VAV3: variants seen among roughly 807,000 people sequenced by gnomAD.
VAV3 encodes the protein vav guanine nucleotide exchange factor 3, also known as guanine nucleotide exchange factor VAV3.
In VAV3, 94 loss-of-function variants were observed where a neutral mutation model predicts 131.2. The ratio of observed to expected loss-of-function variants is 0.72; its 90% confidence interval spans 0.61 to 0.85. VAV3 has a LOEUF of 0.85. VAV3 is among the 40% of genes least tolerant of loss of function. The probability of loss-of-function intolerance (pLI) is 0.00; values close to 1 mark genes in which losing one functional copy is unlikely to be tolerated. For synonymous variants in VAV3, 349 were observed against 342.0 expected (o/e 1.02, Z -0.22); for missense variants, 939 against 1,002.7 (o/e 0.94, Z 0.86).
chr1:107,790,331 T>G lies in VAV3; in HGVS notation c.322-10839A>C, dbSNP rs1036877913. ...GTCACCCACCTGGAAATTCATCACC[T>G]ACCACATGCCAGGCCCAGCCCTGTA... On this transcript the variant is annotated intron_variant, in intron 2 of 26. Coordinates refer to ENST00000370056, the MANE Select transcript of VAV3 (RefSeq NM_006113.5). 3.3e-5 allele frequency among the ~76,000 whole-genome samples: 5 copies of G among 152,210 alleles called. No individual in the cohort carries two copies. In the East Asian group the frequency reaches 7.7e-4, roughly 23 times the overall value.
At chr1:107,749,416 T>G (rs746999428) in intron 14 of VAV3, 46 bp downstream of exon 14, 156 of 1,551,912 alleles carry the variant, frequency 1.0e-4, no homozygotes, top group Non-Finnish European at 1.3e-4. Flanking sequence ...TTCCTTAATG[T>G]TCAAGATTAT....
chr1:107,799,116 A>T (rs928422834), intron 2 of VAV3, among the ~76,000 whole-genome samples: 7 of 152,196 alleles, frequency 4.6e-5, no homozygotes, highest in African/African-American at 7.2e-5. Context: ...GTTTCCTATG[A>T]TAATTATAGA....
chr1:107,600,995 G>A (rs1415614382), intron 24 of VAV3, among the ~76,000 whole-genome samples: 1 of 152,176 alleles, frequency 6.6e-6, no homozygotes, highest in Non-Finnish European at 1.5e-5. Context: ...AGGAAGTTCT[G>A]CAGGTGAAAG....
chr1:107,854,029 C>G (rs1241037855), intron 2 of VAV3, among the ~76,000 whole-genome samples: 1 of 152,088 alleles, frequency 6.6e-6, no homozygotes, highest in East Asian at 1.9e-4. Context: ...ATGCTAGGGG[C>G]CAGGCATGGC....
intron 1 of VAV3, among the ~76,000 whole-genome samples, chr1:107,914,111 T>C (rs1305441317): frequency 6.6e-6 from 1 of 152,176 alleles, no homozygotes; most frequent in African/African-American, 2.4e-5. Context: ...TAACTGCAAA[T>C]GTCTTATTGT....
Position 107,602,614 on chromosome 1 carries a change from T to C in VAV3, c.2133-130A>G, listed in dbSNP as rs1298193859. On this transcript the variant is annotated intron_variant, in intron 23 of 26. Transcript: ENST00000370056. ...AGACAAAAATATATACCTATGCCAA[T>C]ACACTGGTGACAGCTAATTAACAAA... 15 of 640,332 alleles carry C rather than the reference T, an allele frequency of 2.3e-5. No individual in the cohort carries two copies. The South Asian group carries it at 2.8e-4, about 12-fold the overall frequency. 39.7% of individuals were successfully genotyped at this position (640,332 alleles called of 1,614,324 possible). A position where few individuals can be genotyped will look rare whatever the true frequency, so the allele number is the denominator to read the frequency against.
At position 107,688,198 on chromosome 1, in the gene VAV3, T is replaced by A. The variant is rs139973721; in HGVS notation, c.1731+183A>T. On this transcript the variant is annotated intron_variant, in intron 18 of 26. Transcript: ENST00000370056. ...ACCTAAGACCTTCGGACAGTGACAG[T>A]GAACATTCCTTGGATTTAACTTTTG... 1.4e-4 allele frequency among the ~76,000 whole-genome samples: 22 copies of A among 152,324 alleles called. 1 individual carries two copies. Among genetic ancestry groups the A allele is most frequent in the African/African-American group, 4.3e-4 (18 of 41,586 alleles).
intron 2 of VAV3, among the ~76,000 whole-genome samples, chr1:107,799,577 G>A (rs969956089): frequency 9.9e-5 from 15 of 151,776 alleles, no homozygotes; most frequent in African/African-American, 3.4e-4. Flanking sequence ...ATGTATACTA[G>A]ATGTACATAT....
intron 19 of VAV3, among the ~76,000 whole-genome samples, chr1:107,645,060 C>T (rs1655639304): frequency 1.3e-5 from 2 of 151,864 alleles, no homozygotes; most frequent in African/African-American, 4.8e-5. Context: ...TCTATCTTTT[C>T]TGGTATTGCT....
chr1:107,735,662 C>T (rs571239855), intron 15 of VAV3, among the ~76,000 whole-genome samples: 32 of 152,158 alleles, frequency 2.1e-4, no homozygotes, highest in South Asian at 1.0e-3. Context: ...ACTAGGAAGA[C>T]GCTGAATTCC....
intron 20 of VAV3, among the ~76,000 whole-genome samples, chr1:107,620,721 T>G (rs1262437750): frequency 6.6e-6 from 1 of 152,120 alleles, no homozygotes; most frequent in Non-Finnish European, 1.5e-5. Flanking sequence ...AGGACAGCGT[T>G]GGGGAGTGCA....
chr1:107,702,454 A>T (rs1660193162), intron 17 of VAV3, among the ~76,000 whole-genome samples: 2 of 152,322 alleles, frequency 1.3e-5, no homozygotes, highest in South Asian at 4.1e-4. Context: ...TGGAGTTCAA[A>T]ATCACCCAAG....
intron 1 of VAV3, among the ~76,000 whole-genome samples, chr1:107,908,812 C>T (rs1279382133): frequency 7.3e-6 from 1 of 137,728 alleles, no homozygotes; most frequent in East Asian, 2.2e-4. Flanking sequence ...ACACCCCCGC[C>T]CCACTCAAAC....
At chr1:107,904,295 C>A (rs192607077) in intron 1 of VAV3, among the ~76,000 whole-genome samples, 1 of 152,106 alleles carries the variant, frequency 6.6e-6, no homozygotes, top group Non-Finnish European at 1.5e-5. Flanking sequence ...TAAATGTATA[C>A]GTATGATGTG....
intron 19 of VAV3, among the ~76,000 whole-genome samples, chr1:107,644,117 T>G (rs919908851): frequency 2.0e-5 from 3 of 152,050 alleles, no homozygotes; most frequent in South Asian, 4.1e-4. Flanking sequence ...TAAACAACAC[T>G]CTATAAGAGA....
At chr1:107,609,550 T>TA (rs5776892) in intron 22 of VAV3, 2,156 of 152,222 alleles carry the variant, frequency 0.014, 33 homozygotes, top group Admixed American at 0.045. Context: ...CTATAAAAAA[T>TA]AAAAAAAAAA....
chr1:107,831,873 G>A (rs1464950514), intron 2 of VAV3, among the ~76,000 whole-genome samples: 1 of 152,200 alleles, frequency 6.6e-6, no homozygotes, highest in Non-Finnish European at 1.5e-5. Context: ...GAAAGGTTCT[G>A]CTGAGATTAG....
chr1:107,767,770 C>A (rs1664815884), intron 7 of VAV3, among the ~76,000 whole-genome samples: 1 of 152,208 alleles, frequency 6.6e-6, no homozygotes, highest in Non-Finnish European at 1.5e-5. Context: ...GAACTTGAAT[C>A]TTGCCTAGCA....
chr1:107,594,978 G>A (rs1208056070), intron 25 of VAV3, among the ~76,000 whole-genome samples: 1 of 152,096 alleles, frequency 6.6e-6, no homozygotes, highest in Admixed American at 6.6e-5. Flanking sequence ...TTCATGCTGG[G>A]GGAAATGTCA....
Sources: allele counts gnomAD v4.1 joint callset (sites outside exome capture counted in the v4.1 genomes callset), GRCh38; gene constraint gnomAD v4.1.1; transcripts MANE v1.5; gene names NCBI Gene and HGNC (gene_info 2026-07-23, HGNC 2026-07-21).